FHIT: variants seen among roughly 807,000 people sequenced by gnomAD.
FHIT encodes fragile histidine triad diadenosine triphosphatase, also known as bis(5'-adenosyl)-triphosphatase.
A neutral mutation model predicts 17.9 loss-of-function variants in FHIT; 19 were observed. That is an observed-to-expected ratio of 1.06 (90% confidence interval 0.74 to 1.56). The LOEUF (loss-of-function observed/expected upper bound fraction) is 1.56, where lower values mean the gene tolerates loss of function less well. FHIT is among the 40% of genes most tolerant of loss of function. The probability of loss-of-function intolerance (pLI) is 0.00; values close to 1 mark genes in which losing one functional copy is unlikely to be tolerated. For missense variants in FHIT, 248 were observed against 189.2 expected, an observed-to-expected ratio of 1.31 and a Z score of -1.82; for synonymous variants, 81 against 69.7, an observed-to-expected ratio of 1.16 and a Z score of -0.81.
At chr3:61,092,119 G>C (rs1318022017) in intron 2 of FHIT, among the ~76,000 whole-genome samples, 1 of 150,462 alleles carries the variant, frequency 6.6e-6, no homozygotes. Context: ...GGTGGGGGTA[G>C]GGGGGTGGGG....
intron 5 of FHIT, among the ~76,000 whole-genome samples, chr3:60,359,013 A>G (rs1269799741): frequency 6.6e-6 from 1 of 152,194 alleles, no homozygotes; most frequent in Non-Finnish European, 1.5e-5. Flanking sequence ...GACATAAAAC[A>G]AAAGCTCATT....
intron 2 of FHIT, among the ~76,000 whole-genome samples, chr3:61,191,902 G>C (rs2038727704): frequency 2.0e-5 from 3 of 152,140 alleles, no homozygotes; most frequent in African/African-American, 7.2e-5. Context: ...CCAGGGATGA[G>C]CCCCATTCCG....
At position 60,174,096 on chromosome 3, in the gene FHIT, T is replaced by C. The variant is rs1314704209; in HGVS notation, c.104-159944A>G. On this transcript the variant is annotated intron_variant, in intron 5 of 9. Coordinates refer to ENST00000492590, the MANE Select transcript of FHIT (RefSeq NM_002012.4). ...GCCCAGCTAATTTTTGTATTTTTAGTAGAGACAGTTTCACCATGTTGGCCA... is the reference window on the plus strand; with the variant it reads ...GCCCAGCTAATTTTTGTATTTTTAGCAGAGACAGTTTCACCATGTTGGCCA... Among the ~76,000 whole-genome samples the C allele has an allele frequency of 4.0e-5, 6 of 150,954 alleles. No homozygotes were observed. In the East Asian group the frequency reaches 1.2e-3, roughly 30 times the overall value.
chr3:60,419,149 G>A (rs371228616), intron 5 of FHIT, among the ~76,000 whole-genome samples: 1 of 152,094 alleles, frequency 6.6e-6, no homozygotes, highest in Non-Finnish European at 1.5e-5. Flanking sequence ...CCACTTACTG[G>A]CCAAGTCATC....
intron 5 of FHIT, among the ~76,000 whole-genome samples, chr3:60,113,249 T>C (rs1191329128): frequency 6.6e-6 from 1 of 152,150 alleles, no homozygotes; most frequent in Admixed American, 6.5e-5. Context: ...CACGTCTGTA[T>C]CCCCAACACT....
intron 5 of FHIT, among the ~76,000 whole-genome samples, chr3:60,094,887 C>T (rs907113672): frequency 1.4e-4 from 21 of 152,048 alleles, no homozygotes; most frequent in Admixed American, 1.3e-3. Context: ...AGCACCCAAG[C>T]GTTTTAAGTT....
chr3:60,925,992 A>G (rs1553769748), intron 3 of FHIT, among the ~76,000 whole-genome samples: 1 of 152,260 alleles, frequency 6.6e-6, no homozygotes, highest in East Asian at 1.9e-4. Flanking sequence ...GATCAATTCA[A>G]CAAGAAAAGC....
intron 4 of FHIT, among the ~76,000 whole-genome samples, chr3:60,543,519 G>T (rs1042839620): frequency 6.6e-6 from 1 of 152,088 alleles, no homozygotes; most frequent in Non-Finnish European, 1.5e-5. Flanking sequence ...TTGTAATAGA[G>T]TTTTAAATTT....
At chr3:60,164,137 G>A (rs1235340561) in intron 5 of FHIT, among the ~76,000 whole-genome samples, 1 of 152,146 alleles carries the variant, frequency 6.6e-6, no homozygotes, top group Admixed American at 6.5e-5. Context: ...GAAGACTGCT[G>A]AAGCTTTTTT....
chr3:59,853,097 A>C (rs1192001161), intron 8 of FHIT, among the ~76,000 whole-genome samples: 2 of 152,242 alleles, frequency 1.3e-5, no homozygotes, highest in East Asian at 3.8e-4. Context: ...AGAAATCGCC[A>C]AACTGTATTC....
intron 5 of FHIT, among the ~76,000 whole-genome samples, chr3:60,521,119 A>AT (rs2035342575): frequency 6.6e-6 from 1 of 152,060 alleles, no homozygotes; most frequent in Non-Finnish European, 1.5e-5. Context: ...GAAATGCAGT[A>AT]TTTTTTTAAA....
At chr3:60,184,377 T>A (rs1702075156) in intron 5 of FHIT, among the ~76,000 whole-genome samples, 1 of 152,334 alleles carries the variant, frequency 6.6e-6, no homozygotes, top group Admixed American at 6.5e-5. Flanking sequence ...TTCTTAGTTG[T>A]GACAGTTTAT....
intron 2 of FHIT, among the ~76,000 whole-genome samples, chr3:61,146,588 A>C (rs1009675637): frequency 6.6e-6 from 1 of 152,072 alleles, no homozygotes; most frequent in African/African-American, 2.4e-5. Flanking sequence ...TAAACTACAG[A>C]ATCTGCTTGG....
chr3:59,800,357 A>T (rs1401531674), intron 8 of FHIT, among the ~76,000 whole-genome samples: 1 of 152,190 alleles, frequency 6.6e-6, no homozygotes, highest in Non-Finnish European at 1.5e-5. Context: ...CAACATAATG[A>T]TCATAAACAC....
At chr3:60,094,260 T>A (rs991402190) in intron 5 of FHIT, among the ~76,000 whole-genome samples, 1 of 152,262 alleles carries the variant, frequency 6.6e-6, no homozygotes, top group South Asian at 2.1e-4. Flanking sequence ...GTTTAGACAC[T>A]TATGAGAAAT....
chr3:60,540,704 T>G (rs538109428), intron 4 of FHIT, among the ~76,000 whole-genome samples: 1 of 152,276 alleles, frequency 6.6e-6, no homozygotes, highest in African/African-American at 2.4e-5. Context: ...GCATGATTGT[T>G]TAATGATTCT....
intron 8 of FHIT, among the ~76,000 whole-genome samples, chr3:59,862,763 G>A (rs961243100): frequency 2.0e-5 from 3 of 152,202 alleles, no homozygotes; most frequent in Admixed American, 6.5e-5. Flanking sequence ...TATTAAACAT[G>A]TGATTGCTGT....
intron 5 of FHIT, among the ~76,000 whole-genome samples, chr3:60,365,374 A>C (rs1285783060): frequency 6.6e-6 from 1 of 152,070 alleles, no homozygotes; most frequent in South Asian, 2.1e-4. Flanking sequence ...TTGAAAAAGG[A>C]AAGTTGTTTT....
intron 3 of FHIT, among the ~76,000 whole-genome samples, chr3:60,866,353 C>G (rs1353348302): frequency 6.6e-6 from 1 of 152,148 alleles, no homozygotes; most frequent in African/African-American, 2.4e-5. Flanking sequence ...GCCATGAGTC[C>G]TTAAAGCTTT....
Sources: allele counts gnomAD v4.1 joint callset (sites outside exome capture counted in the v4.1 genomes callset), GRCh38; gene constraint gnomAD v4.1.1; transcripts MANE v1.5; gene names NCBI Gene and HGNC (gene_info 2026-07-23, HGNC 2026-07-21).